Variants in CA10 observed in about 807,000 individuals in gnomAD.
The protein encoded by CA10 is carbonic anhydrase-related protein 10.
CA10 carries 14 observed loss-of-function variants against 44.2 expected under a neutral mutation model. The observed-to-expected ratio is 0.32, with a 90% CI of 0.21 to 0.50. The LOEUF is 0.50. CA10 is among the 20% of genes least tolerant of loss of function. The pLI is 0.99. For synonymous variants in CA10, 159 were observed against 141.6 expected (o/e 1.12, Z -0.87); for missense variants, 350 against 409.7 (o/e 0.85, Z 1.26).
chr17:51,817,375 T>G (rs1173220890), intron 3 of CA10, among the ~76,000 whole-genome samples: 4 of 152,206 alleles, frequency 2.6e-5, no homozygotes, highest in Admixed American at 2.6e-4. Context: ...CTAAAATATT[T>G]GTCTCTTTAA....
rs10549926 is a variant in CA10 at position 51,942,538 on chromosome 17, T to TTATATATATATATATA, written c.137-11422_137-11407dup. ...AGCCAGGAAGGAAATCTTGCAGGCA[T>TTATATATATATATATA]TATATATATATATATATCTGTCATC... is the stretch of plus-strand genomic sequence containing the variant. On this transcript the variant is annotated intron_variant, in intron 2 of 8. Transcript: ENST00000451037. Among the ~76,000 whole-genome samples the TTATATATATATATATA allele has an allele frequency of 3.6e-3, 487 of 135,190 alleles. 18 individuals carry two copies. The highest frequency in any genetic ancestry group is 0.013 in the South Asian group (44 of 3,516). The allele number at this position is 135,190 out of a possible 152,430, so 88.7% of individuals were successfully genotyped here.
intron 3 of CA10, among the ~76,000 whole-genome samples, chr17:51,806,898 G>T (rs926401085): frequency 2.0e-5 from 3 of 152,212 alleles, no homozygotes; most frequent in Non-Finnish European, 4.4e-5. Context: ...CTAGTACCTG[G>T]TTTAACAAGA....
intron 3 of CA10, among the ~76,000 whole-genome samples, chr17:51,786,219 T>TGTGTGC (rs900434788): frequency 1.5e-4 from 22 of 151,408 alleles, no homozygotes; most frequent in African/African-American, 5.1e-4. Context: ...TGTGTCTGTG[T>TGTGTGC]GTGTGTGTGT....
At chr17:51,973,449 A>G (rs1414581263) in intron 2 of CA10, among the ~76,000 whole-genome samples, 5 of 152,228 alleles carry the variant, frequency 3.3e-5, no homozygotes, top group African/African-American at 1.2e-4. Context: ...TGTAGTGAGT[A>G]TTACAGTGTA....
intron 3 of CA10, among the ~76,000 whole-genome samples, chr17:51,791,524 T>C (rs1906518528): frequency 6.6e-6 from 1 of 152,210 alleles, no homozygotes; most frequent in South Asian, 2.1e-4. Context: ...AACAGGAGAA[T>C]ATCAACATAA....
chr17:51,816,991 A>G (rs1907587647), intron 3 of CA10, among the ~76,000 whole-genome samples: 1 of 152,210 alleles, frequency 6.6e-6, no homozygotes, highest in African/African-American at 2.4e-5. Flanking sequence ...TGTGTTATCT[A>G]CTGAGATATT....
chr17:51,998,034 G>A (rs1467223546), intron 2 of CA10, among the ~76,000 whole-genome samples: 1 of 152,084 alleles, frequency 6.6e-6, no homozygotes, highest in African/African-American at 2.4e-5. Context: ...AAACTGGAAA[G>A]CAGCATATTA....
intron 1 of CA10, among the ~76,000 whole-genome samples, chr17:52,101,346 C>T (rs1262527607): frequency 6.6e-6 from 1 of 152,104 alleles, no homozygotes; most frequent in African/African-American, 2.4e-5. Flanking sequence ...TCAAAAGGAC[C>T]CTTGTATGAA....
intron 4 of CA10, among the ~76,000 whole-genome samples, chr17:51,704,028 A>G (rs1915683499): frequency 6.6e-6 from 1 of 152,214 alleles, no homozygotes; most frequent in Admixed American, 6.5e-5. Flanking sequence ...TATGGTTTTC[A>G]CTAAAGGAAA....
intron 3 of CA10, among the ~76,000 whole-genome samples, chr17:51,849,048 T>A (rs1978621457): frequency 6.6e-6 from 1 of 150,966 alleles, no homozygotes; most frequent in African/African-American, 2.4e-5. Context: ...TGACTGACTG[T>A]CTATCTCTGT....
chr17:51,983,988 A>G (rs1050001286), intron 2 of CA10, among the ~76,000 whole-genome samples: 6 of 151,790 alleles, frequency 4.0e-5, no homozygotes, highest in African/African-American at 1.4e-4. Context: ...TCTCTATGCA[A>G]GAGTTGACTT....
At chr17:52,131,783 C>T (rs1277632037) in intron 1 of CA10, among the ~76,000 whole-genome samples, 1 of 152,034 alleles carries the variant, frequency 6.6e-6, no homozygotes, top group Non-Finnish European at 1.5e-5. Context: ...AATAGATCAG[C>T]TCTCAAGAAA....
chr17:51,791,295 T>A (rs1023989330), intron 3 of CA10, among the ~76,000 whole-genome samples: 1 of 152,178 alleles, frequency 6.6e-6, no homozygotes, highest in Non-Finnish European at 1.5e-5. Context: ...CATTTTAAAT[T>A]TCTATTCAAA....
intron 1 of CA10, among the ~76,000 whole-genome samples, chr17:52,105,291 G>C (rs1988634877): frequency 6.6e-6 from 1 of 150,688 alleles, no homozygotes; most frequent in African/African-American, 2.5e-5. Context: ...TCTTGGCTCT[G>C]TCGCCCAGGC....
At chr17:51,976,069 A>T (rs1984452421) in intron 2 of CA10, among the ~76,000 whole-genome samples, 1 of 152,180 alleles carries the variant, frequency 6.6e-6, no homozygotes, top group African/African-American at 2.4e-5. Flanking sequence ...ATAGATAATG[A>T]TGCATATTTT....
chr17:51,704,115 A>G (rs1299762828), intron 4 of CA10, among the ~76,000 whole-genome samples: 4 of 152,220 alleles, frequency 2.6e-5, no homozygotes, highest in African/African-American at 4.8e-5. Context: ...CCATCCATGT[A>G]CTAACCCATC....
chr17:51,740,387 G>A (rs1483753336), intron 4 of CA10, among the ~76,000 whole-genome samples: 2 of 152,076 alleles, frequency 1.3e-5, no homozygotes, highest in Admixed American at 6.5e-5. Flanking sequence ...GTAATCATTC[G>A]TATTGGGTTT....
chr17:51,747,172 T>C (rs1344294268), intron 4 of CA10, among the ~76,000 whole-genome samples: 1 of 152,240 alleles, frequency 6.6e-6, no homozygotes, highest in African/African-American at 2.4e-5. Flanking sequence ...AGGAAAACTA[T>C]TGAGTTGCCT....
At chr17:51,940,320 T>G (rs1201125836) in intron 2 of CA10, among the ~76,000 whole-genome samples, 4 of 152,128 alleles carry the variant, frequency 2.6e-5, no homozygotes, top group African/African-American at 9.7e-5. Flanking sequence ...CGACAAAACT[T>G]CCTTCCTGAT....
Sources: gnomAD v4.1 joint callset for allele counts (sites outside exome capture counted in the v4.1 genomes callset) on GRCh38, gnomAD v4.1.1 for gene constraint, MANE v1.5 for transcripts, NCBI Gene and HGNC (gene_info 2026-07-23, HGNC 2026-07-21) for gene names.